The following DHODH variants were observed in gnomAD, a reference collection of about 807,000 sequenced individuals.
DHODH encodes the protein dihydroorotate dehydrogenase (quinone), also known as dihydroorotate dehydrogenase (quinone), mitochondrial.
In DHODH, 30 loss-of-function variants were observed where a neutral mutation model predicts 39.7. That is an observed-to-expected ratio of 0.76 (90% CI 0.57 to 1.02). DHODH has a LOEUF of 1.02. Ranked by LOEUF, DHODH falls within the 50% of genes least tolerant of loss-of-function variation. DHODH has a pLI of 0.00. For missense variants in DHODH, 531 were observed against 520.8 expected (o/e 1.02, Z -0.19); for synonymous variants, 222 against 213.8 (o/e 1.04, Z -0.34).
intron 4 of DHODH, chr16:72,020,337 A>ATATATATATGTG (rs1384231438): frequency 2.5e-5 from 3 of 120,202 alleles, no homozygotes; most frequent in African/African-American, 1.2e-4. Context: ...GTGTATATAT[A>ATATATATATGTG]TATATATATA....
rs1473683495 is a variant in DHODH, at chr16:72,013,506, C to T, written c.235-967C>T. Reference sequence around the variant, plus strand: ...GCAGCAGCTCATTTAGAATGTGACTCAGACTTTTTAACCGGTAACCAGGAT... The same window carrying T: ...GCAGCAGCTCATTTAGAATGTGACTTAGACTTTTTAACCGGTAACCAGGAT... On this transcript the variant is annotated intron_variant, in intron 2 of 8. Transcript: ENST00000219240. 3 of 152,218 alleles carry T rather than the reference C, an allele frequency of 2.0e-5. 1 individual carries two copies. The highest frequency in any genetic ancestry group is 4.1e-4 in the South Asian group (2 of 4,836). 9.4% of individuals were successfully genotyped at this position (152,218 alleles called of 1,614,324 possible). A position where few individuals can be genotyped will look rare whatever the true frequency, so the allele number is the denominator to read the frequency against.
At chr16:72,009,156 T>G in intron 1 of DHODH, 1 of 1,117,076 alleles carries the variant, frequency 9.0e-7, no homozygotes, top group Non-Finnish European at 1.1e-6. Flanking sequence ...AGGTAAAGTT[T>G]TGTTAGGGGC....
intron 2 of DHODH, 152 bp downstream of exon 2, chr16:72,012,414 T>C (rs1448066400): frequency 9.9e-6 from 7 of 704,016 alleles, no homozygotes; most frequent in Admixed American, 2.3e-5. Flanking sequence ...TTTTATGTCA[T>C]GTAATTAGCA....
intron 8 of DHODH, among the ~76,000 whole-genome samples, chr16:72,023,907 C>T (rs1372878318): frequency 1.3e-5 from 2 of 152,140 alleles, no homozygotes; most frequent in Non-Finnish European, 2.9e-5. Flanking sequence ...CATCAGCATT[C>T]CCATTAATTA....
intron 3 of DHODH, 109 bp downstream of exon 3, chr16:72,014,781 T>G (rs918654786): frequency 1.8e-6 from 2 of 1,115,962 alleles, no homozygotes; most frequent in South Asian, 2.7e-5. Flanking sequence ...GTGGACATTC[T>G]TCTGTCATTT....
rs1035761481 is a variant in DHODH at position 72,023,191 on chromosome 16, G to A, written c.846G>A (p.Thr282=). 3.1e-6 allele frequency: 5 copies of A among 1,614,034 alleles called. No homozygotes were observed. Among genetic ancestry groups the A allele is most frequent in the South Asian group, 2.2e-5 (2 of 91,080 alleles). Reference sequence around the variant, plus strand: ...TGGGCATCGATGGGCTGATTGTTACGAACACCACCGTGAGTCGCCCTGCGG... The same window carrying A: ...TGGGCATCGATGGGCTGATTGTTACAAACACCACCGTGAGTCGCCCTGCGG... ...KELGIDGLIV[T]NTTVSRPAGL... Residue 282 remains threonine (T), a synonymous_variant, in exon 7 of 9, where the codon ACG becomes ACA. Coordinates refer to ENST00000219240, the MANE Select transcript of DHODH (RefSeq NM_001361.5).
chr16:72,024,280 G>T lies in DHODH; in HGVS notation c.*81G>T, dbSNP rs2041256656. On this transcript the variant is annotated 3_prime_UTR_variant, in exon 9 of 9. Coordinates refer to ENST00000219240, the MANE Select transcript of DHODH (RefSeq NM_001361.5). ...CTTTGTGGCTGGATCATGAGAGGAG[G>T]GACTCCATCTTGAGCCATGTCCCCC... 1 of 1,486,292 alleles carries T rather than the reference G, an allele frequency of 6.7e-7. No homozygotes were observed. Among genetic ancestry groups the T allele is most frequent in the South Asian group, 1.1e-5 (1 of 87,938 alleles). 92.1% of individuals were successfully genotyped at this position (1,486,292 alleles called of 1,614,324 possible).
chr16:72,024,190 T>C lies in DHODH; in HGVS notation c.1179T>C (p.His393=), dbSNP rs772430689. The C allele has an allele frequency of 6.2e-7, 1 of 1,614,174 alleles. No homozygotes were observed. Among genetic ancestry groups the C allele is most frequent in the Non-Finnish European group, 8.5e-7 (1 of 1,180,022 alleles). Residue 393 remains histidine, a synonymous_variant, in exon 9 of 9, where the codon CAT becomes CAC. Transcript: ENST00000219240. ...GGVTDAIGAD[H]RR is the part of the protein sequence containing the mutation. The stretch of plus-strand genomic sequence containing the variant: ...TCACAGATGCCATTGGAGCAGATCA[T>C]CGGAGGTGAGGACAGCGTCTGACGG...
rs2041280061 is a variant in DHODH, at chr16:72,026,889, C to T, written c.*2690C>T. The T allele has an allele frequency of 6.5e-6, 1 of 152,940 alleles. No homozygotes were observed. The highest frequency in any genetic ancestry group is 2.4e-5 in the African/African-American group (1 of 41,294). The allele number at this position is 152,940 out of a possible 1,614,324, so 9.5% of individuals were successfully genotyped here. A position where few individuals can be genotyped will look rare whatever the true frequency, so the allele number is the denominator to read the frequency against. ...CACTGCAACCTCTGTCTCCCGGGTTCAAGCAATTCTTCTGCCTCAGCCTCC... is the reference window on the plus strand; with the variant it reads ...CACTGCAACCTCTGTCTCCCGGGTTTAAGCAATTCTTCTGCCTCAGCCTCC... On this transcript the variant is annotated 3_prime_UTR_variant, in exon 9 of 9. Transcript: ENST00000219240.
intron 6 of DHODH, among the ~76,000 whole-genome samples, chr16:72,022,856 C>A (rs1217781718): frequency 6.6e-6 from 1 of 152,158 alleles, no homozygotes; most frequent in Admixed American, 6.5e-5. Context: ...ATCGTGGGTT[C>A]AAATCCTGGT....
At position 72,021,236 on chromosome 16, in the gene DHODH, G is replaced by C. The variant is rs1439294356; in HGVS notation, c.630G>C (p.Val210=). 7 of 1,612,954 alleles carry C rather than the reference G, an allele frequency of 4.3e-6. No homozygotes were observed. The highest frequency in any genetic ancestry group is 5.9e-6 in the Non-Finnish European group (7 of 1,179,670). The change falls in exon 5 of 9, where the codon GTG becomes GTC. Residue 210 remains valine, a synonymous_variant. Coordinates refer to ENST00000219240, the MANE Select transcript of DHODH (RefSeq NM_001361.5). ...VLGPLADYLV[V]NVSSPNTAGL... Reference sequence around the variant, plus strand: ...GCCCCCTGGCCGACTACCTGGTGGTGAATGTGTCCAGCCCCAACACTGCCG... The same window carrying C: ...GCCCCCTGGCCGACTACCTGGTGGTCAATGTGTCCAGCCCCAACACTGCCG...
intron 4 of DHODH, among the ~76,000 whole-genome samples, chr16:72,018,412 C>A (rs2041167516): frequency 6.6e-6 from 1 of 152,188 alleles, no homozygotes; most frequent in Non-Finnish European, 1.5e-5. Flanking sequence ...CTTTTGGAAA[C>A]CCCTGGGTTG....
At chr16:72,010,764 CTG>C (rs1308449365) in intron 1 of DHODH, among the ~76,000 whole-genome samples, 2 of 152,206 alleles carry the variant, frequency 1.3e-5, no homozygotes, top group Non-Finnish European at 2.9e-5. Context: ...GAGTCTGACT[CTG>C]TCGCCCAGGT....
At chr16:72,018,783 C>G (rs1385338627) in intron 4 of DHODH, among the ~76,000 whole-genome samples, 1 of 152,218 alleles carries the variant, frequency 6.6e-6, no homozygotes, top group Non-Finnish European at 1.5e-5. Flanking sequence ...TTCTGTCTAA[C>G]TCCCAAATCT....
chr16:72,021,413 T>A, intron 5 of DHODH, 102 bp downstream of exon 5: 2 of 1,307,572 alleles, frequency 1.5e-6, no homozygotes, highest in Non-Finnish European at 1.1e-6. Flanking sequence ...TCAGAAGCTG[T>A]CCTTAGCACC....
chr16:72,020,369 ATAT>A lies in DHODH; in HGVS notation c.518-753_518-751del, dbSNP rs1301522273. On this transcript the variant is annotated intron_variant, in intron 4 of 8. Coordinates refer to ENST00000219240, the MANE Select transcript of DHODH (RefSeq NM_001361.5). Reference sequence around the variant, plus strand: ...TATATATATATGTGTATATATATATATATTTTTTTTTTTTTTCTTTTTTTTGAG... The same window carrying A: ...TATATATATATGTGTATATATATATATTTTTTTTTTTTTCTTTTTTTTGAG... 5.3e-3 allele frequency: 386 copies of A among 72,218 alleles called. 5 individuals carry two copies. Among genetic ancestry groups the A allele is most frequent in the Middle Eastern group, 0.026 (3 of 116 alleles). The allele number at this position is 72,218 out of a possible 1,614,324, so 4.5% of individuals were successfully genotyped here. A position where few individuals can be genotyped will look rare whatever the true frequency, so the allele number is the denominator to read the frequency against.
At chr16:72,017,259 T>C (rs751017673) in intron 4 of DHODH, among the ~76,000 whole-genome samples, 153 bp downstream of exon 4, 19 of 152,222 alleles carry the variant, frequency 1.2e-4, no homozygotes, top group Non-Finnish European at 2.8e-4. Context: ...ATTTTCCTGG[T>C]CCCACACAGC....
chr16:72,008,827 C>T (rs1160090114), intron 1 of DHODH, 42 bp downstream of exon 1: 4 of 1,552,174 alleles, frequency 2.6e-6, no homozygotes, highest in African/African-American at 1.4e-5. Flanking sequence ...GGACCAGGGA[C>T]CGGGGAGGGC....
At chr16:72,008,920 C>T (rs995560290) in intron 1 of DHODH, 135 bp downstream of exon 1, 5 of 1,535,086 alleles carry the variant, frequency 3.3e-6, no homozygotes, top group Non-Finnish European at 4.4e-6. Flanking sequence ...GTGCGTGTTT[C>T]CGGGGTCTCC....
Sources: allele counts gnomAD v4.1 joint callset (sites outside exome capture counted in the v4.1 genomes callset), GRCh38; gene constraint gnomAD v4.1.1; transcripts MANE v1.5; gene names NCBI Gene and HGNC (gene_info 2026-07-23, HGNC 2026-07-21).